PTK6: variants seen among roughly 807,000 people sequenced by gnomAD.
PTK6 encodes protein tyrosine kinase 6, also known as protein-tyrosine kinase 6.
In PTK6, 47 loss-of-function variants were observed where a neutral mutation model predicts 47.5. The ratio of observed to expected loss-of-function variants is 0.99; its 90% CI spans 0.78 to 1.26. PTK6 has a LOEUF of 1.26. PTK6 is among the 50% of genes most tolerant of loss of function. The pLI is 0.00. For missense variants in PTK6, 618 were observed against 625.3 expected, an observed-to-expected ratio of 0.99 and a Z score of 0.12; for synonymous variants, 287 against 276.5, an observed-to-expected ratio of 1.04 and a Z score of -0.38.
intron 5 of PTK6, among the ~76,000 whole-genome samples, chr20:63,531,721 C>T (rs1035817492): frequency 3.3e-5 from 5 of 151,988 alleles, no homozygotes; most frequent in African/African-American, 1.2e-4. Context: ...GAAGGACCAG[C>T]GAAGAGGCTC....
Position 63,530,976 on chromosome 20 carries a change from G to A in PTK6, c.833-49C>T. The A allele has an allele frequency of 1.3e-6, 2 of 1,497,338 alleles. No individual in the cohort carries two copies. Among genetic ancestry groups the A allele is most frequent in the Middle Eastern group, 1.8e-4 (1 of 5,684 alleles). 92.8% of individuals were successfully genotyped at this position (1,497,338 alleles called of 1,614,324 possible). The stretch of plus-strand genomic sequence containing the variant: ...CCTGGGGTCAGCTGAGCCAGCTGAG[G>A]TGGGGAAGGGTTGGGGAGGCTGGGC... On this transcript the variant is annotated intron_variant, in intron 5 of 7. Coordinates refer to ENST00000542869, the MANE Select transcript of PTK6 (RefSeq NM_005975.4). The surrounding 1 kb of genome is among the most constrained non-coding windows in gnomAD (Gnocchi z 4.1).
intron 1 of PTK6, among the ~76,000 whole-genome samples, chr20:63,535,597 G>C (rs1443689940): frequency 6.6e-6 from 1 of 151,976 alleles, no homozygotes; most frequent in Admixed American, 6.6e-5. Flanking sequence ...GCTTGCAGAA[G>C]CTCCAGGTGA....
At chr20:63,531,470 C>T (rs1300743113) in intron 5 of PTK6, among the ~76,000 whole-genome samples, 1 of 135,246 alleles carries the variant, frequency 7.4e-6, no homozygotes, top group Non-Finnish European at 1.6e-5. Flanking sequence ...ATATAATTAG[C>T]TGGGCGTGGT....
rs923029810 is a variant in PTK6 at position 63,530,659 on chromosome 20, C to G, written c.1014+87G>C. On this transcript the variant is annotated intron_variant, in intron 6 of 7. Transcript: ENST00000542869. The surrounding 1 kb of genome is among the most constrained non-coding windows in gnomAD (Gnocchi z 4.1). ...GCAGGGGCCGCATCCTGCTCCCAGC[C>G]GAGTCCCCAGCTCCACACACAGGAA... is the stretch of plus-strand genomic sequence containing the variant. 1.4e-6 allele frequency: 2 copies of G among 1,472,562 alleles called. No individual in the cohort carries two copies. Among genetic ancestry groups the G allele is most frequent in the Non-Finnish European group, 9.2e-7 (1 of 1,086,766 alleles). The allele number at this position is 1,472,562 out of a possible 1,614,324, so 91.2% of individuals were successfully genotyped here. A position where few individuals can be genotyped will look rare whatever the true frequency, so the allele number is the denominator to read the frequency against.
At chr20:63,532,768 C>G (rs2145973211) in intron 4 of PTK6, 81 bp from the exon 5 acceptor site, 1 of 1,521,436 alleles carries the variant, frequency 6.6e-7, no homozygotes, top group South Asian at 1.2e-5. Flanking sequence ...TGCCCCCACA[C>G]ACAGCAGCCA....
At chr20:63,531,420 CAAAA>C (rs1157854507) in intron 5 of PTK6, among the ~76,000 whole-genome samples, 15 of 45,780 alleles carry the variant, frequency 3.3e-4, no homozygotes, top group African/African-American at 1.8e-3. Context: ...GACTCCGTCT[CAAAA>C]AAAAAAAAAA....
chr20:63,530,225 C>T lies in PTK6; in HGVS notation c.1021G>A (p.Val341Ile), dbSNP rs763366099. 25 of 1,613,752 alleles carry T rather than the reference C, an allele frequency of 1.5e-5. No individual in the cohort carries two copies. The highest frequency in any genetic ancestry group is 8.8e-5 in the South Asian group (8 of 91,086). ...FGLARLIKEDVYLSHDHNIPY... is the reference protein window; with the variant it reads ...FGLARLIKEDIYLSHDHNIPY... ...ATATTGTGGTCATGGGAGAGGTAGA[C>T]GTCCTCCTGCAATCAGCCTGGAGCT... The change falls in exon 7 of 8, where the codon GTC (valine) becomes ATC (isoleucine). Residue 341 changes from valine (V) to isoleucine (I), a missense_variant. Val to Ile is a conservative substitution (Grantham distance 29). Coordinates refer to ENST00000542869, the MANE Select transcript of PTK6 (RefSeq NM_005975.4). The surrounding 1 kb of genome is among the most constrained non-coding windows in gnomAD (Gnocchi z 4.1).
In PTK6 at chr20:63,533,549, A is replaced by G. The variant is rs2082641769; in HGVS notation, c.670+2T>C. ...ACAGAGCCCTGATCGGGGCCCACTC[A>G]CCTCGAGAAATCACCTTAATGGCCA... On this transcript the variant is annotated splice_donor_variant, in intron 4 of 7. Transcript: ENST00000542869. LOFTEE classifies it high-confidence loss of function. The surrounding 1 kb of genome is among the most constrained non-coding windows in gnomAD (Gnocchi z 4.0). 2 of 1,603,912 alleles carry G rather than the reference A, an allele frequency of 1.2e-6. No individual in the cohort carries two copies. The highest frequency in any genetic ancestry group is 4.5e-5 in the East Asian group (2 of 44,588).
At position 63,530,715 on chromosome 20, in the gene PTK6, C is replaced by A. The variant is rs774944259; in HGVS notation, c.1014+31G>T. ...CAGCCCTCCGGCCACGCCCCGGCCA[C>A]GACCCCAGCCACGCCCTCTGAGGGC... On this transcript the variant is annotated intron_variant, in intron 6 of 7. Coordinates refer to ENST00000542869, the MANE Select transcript of PTK6 (RefSeq NM_005975.4). The surrounding 1 kb of genome is among the most constrained non-coding windows in gnomAD (Gnocchi z 4.1). 1.2e-6 allele frequency: 2 copies of A among 1,608,094 alleles called. No individual in the cohort carries two copies. Among genetic ancestry groups the A allele is most frequent in the African/African-American group, 1.3e-5 (1 of 74,484 alleles).
At chr20:63,534,015 G>A (rs1018483660) in intron 3 of PTK6, 137 bp downstream of exon 3, 9 of 1,251,896 alleles carry the variant, frequency 7.2e-6, no homozygotes, top group Non-Finnish European at 9.7e-6. Context: ...CAGAACCATG[G>A]GCTTCCCTCC....
rs753348065 is a variant in PTK6 at position 63,534,157 on chromosome 20, G to C, written c.511C>G (p.Arg171Gly). The change falls in exon 3 of 8, where the codon CGG (arginine) becomes GGG (glycine). Residue 171 changes from arginine to glycine, a missense_variant. Arg to Gly is a moderately radical substitution (Grantham distance 125). Coordinates refer to ENST00000542869, the MANE Select transcript of PTK6 (RefSeq NM_005975.4). ...AGTCAGGGCGGAGCGGCTACCTTCC[G>C]GCAGGGCGCGGCCAGCCGCAGGCCG... is the stretch of plus-strand genomic sequence containing the variant. Reference protein sequence around the residue: ...SHGLRLAAPCRKHEPEPLPHW... With the variant: ...SHGLRLAAPCGKHEPEPLPHW... 4.4e-5 allele frequency: 68 copies of C among 1,549,542 alleles called. No homozygotes were observed. Among genetic ancestry groups the C allele is most frequent in the Non-Finnish European group, 4.9e-5 (56 of 1,148,052 alleles).
chr20:63,536,540 G>C (rs1329568574), intron 1 of PTK6, among the ~76,000 whole-genome samples: 3 of 151,874 alleles, frequency 2.0e-5, no homozygotes, highest in Non-Finnish European at 4.4e-5. Flanking sequence ...TGAGCTCCGG[G>C]CAGCTGTGGA....
Position 63,529,858 on chromosome 20 carries a change from C to T in PTK6, c.1169-135G>A. 1.8e-6 allele frequency: 2 copies of T among 1,131,144 alleles called. No individual in the cohort carries two copies. The highest frequency in any genetic ancestry group is 2.5e-6 in the Non-Finnish European group (2 of 812,762). 70.1% of individuals were successfully genotyped at this position (1,131,144 alleles called of 1,614,324 possible). ...TGCCATGCCTTGGCGCCACCCAGCA[C>T]ACTGTCCACTGCTAACACCTCCCTC... On this transcript the variant is annotated intron_variant, in intron 7 of 7. Coordinates refer to ENST00000542869, the MANE Select transcript of PTK6 (RefSeq NM_005975.4). The surrounding 1 kb of genome is among the most constrained non-coding windows in gnomAD (Gnocchi z 5.6).
In PTK6 at chr20:63,537,217, T is replaced by A. The variant is rs1267525030; in HGVS notation, c.98A>T (p.Asp33Val). ...TDEELSFRAG[D>V]VFHVARKEEQ... ...CTCCTTCCTGGCCACGTGGAAGACG[T>A]CCCCCGCGCGGAAGCTCAGCTCCTC... The change falls in exon 1 of 8, where the codon GAC (aspartate) becomes GTC (valine). Residue 33 changes from aspartate to valine, a missense_variant. Asp to Val is a radical substitution (Grantham distance 152, BLOSUM62 -3). Coordinates refer to ENST00000542869, the MANE Select transcript of PTK6 (RefSeq NM_005975.4). 2 of 1,611,984 alleles carry A rather than the reference T, an allele frequency of 1.2e-6. No homozygotes were observed. The highest frequency in any genetic ancestry group is 1.1e-5 in the South Asian group (1 of 90,974).
At chr20:63,535,507 A>ACGCACACACAGCCACTCGCG (rs2082657870) in intron 1 of PTK6, among the ~76,000 whole-genome samples, 1 of 152,044 alleles carries the variant, frequency 6.6e-6, no homozygotes, top group Non-Finnish European at 1.5e-5. Context: ...GCTCACACGC[A>ACGCACACACAGCCACTCGCG]CGCACACACA....
Position 63,530,751 on chromosome 20 carries a change from T to A in PTK6, c.1009A>T (p.Ile337Phe). 1 of 1,613,684 alleles carries A rather than the reference T, an allele frequency of 6.2e-7. No homozygotes were observed. Among genetic ancestry groups the A allele is most frequent in the Middle Eastern group, 1.7e-4 (1 of 6,060 alleles). ...ACGCCCTCTGAGGGCCCTACCTTGA[T>A]AAGCCTGGCTAACCCGAAGTCCCCA... is the stretch of plus-strand genomic sequence containing the variant. ...KVGDFGLARL[I>F]KEDVYLSHDH... Residue 337 changes from isoleucine to phenylalanine, a missense_variant, in exon 6 of 8, where the codon ATC becomes TTC. Ile to Phe is a conservative substitution (Grantham distance 21). Coordinates refer to ENST00000542869, the MANE Select transcript of PTK6 (RefSeq NM_005975.4). This position sits in a 1 kb window ranked among gnomAD's most constrained non-coding sequence, Gnocchi z 4.1.
At chr20:63,531,483 C>T (rs1442624392) in intron 5 of PTK6, among the ~76,000 whole-genome samples, 2 of 137,428 alleles carry the variant, frequency 1.5e-5, no homozygotes, top group African/African-American at 5.5e-5. Flanking sequence ...GGCGTGGTGA[C>T]AGGTGCCTGT....
rs745337327 is a variant in PTK6, at chr20:63,532,608, C to T, written c.750G>A (p.Leu250=). ...KKLRHKHILA[L]YAVVSVGDPV... ...GGTCCCCCACGGACACCACGGCGTA[C>T]AGCGCCAGGATGTGTTTGTGCCGCA... is the stretch of plus-strand genomic sequence containing the variant. The change falls in exon 5 of 8, where the codon CTG becomes CTA. Residue 250 remains leucine, a synonymous_variant. Transcript: ENST00000542869. 4.3e-6 allele frequency: 7 copies of T among 1,613,994 alleles called. No individual in the cohort carries two copies. In the African/African-American group the frequency reaches 9.3e-5, roughly 22 times the overall value.
chr20:63,530,800 G>A lies in PTK6; in HGVS notation c.960C>T (p.Val320=), dbSNP rs370250593. 1.2e-5 allele frequency: 20 copies of A among 1,613,894 alleles called. No individual in the cohort carries two copies. The highest frequency in any genetic ancestry group is 6.6e-5 in the South Asian group (6 of 91,066). Residue 320 remains valine (V), a synonymous_variant, in exon 6 of 8, where the codon GTC becomes GTT. Transcript: ENST00000542869. This position sits in a 1 kb window ranked among gnomAD's most constrained non-coding sequence, Gnocchi z 4.1. ...HRDLAARNIL[V]GENTLCKVGD... The stretch of plus-strand genomic sequence containing the variant: ...CAACTTTGCAGAGGGTGTTTTCCCC[G>A]ACGAGGATGTTCCTGGCGGCCAGGT...
Sources: gnomAD v4.1 joint callset for allele counts (sites outside exome capture counted in the v4.1 genomes callset) on GRCh38, gnomAD v4.1.1 for gene constraint, Gnocchi (gnomAD v3.1) non-coding constraint, MANE v1.5 for transcripts, NCBI Gene and HGNC (gene_info 2026-07-23, HGNC 2026-07-21) for gene names.